Variants in ACER2 observed in about 807,000 individuals in gnomAD.
ACER2 encodes the protein alkaline ceramidase 2, also known as alkCDase 2.
Under a neutral mutation model 34.7 loss-of-function variants are expected in ACER2, and 26 were observed. That is an observed-to-expected ratio of 0.75 (90% CI 0.55 to 1.04). The LOEUF (loss-of-function observed/expected upper bound fraction) is 1.04. ACER2 is among the 50% of genes least tolerant of loss of function. The probability of loss-of-function intolerance (pLI) is 0.00; values close to 1 mark genes in which losing one functional copy is unlikely to be tolerated. For synonymous variants in ACER2, 138 were observed against 132.1 expected (o/e 1.04, Z -0.31); for missense variants, 352 against 340.8 (o/e 1.03, Z -0.26).
intron 1 of ACER2, among the ~76,000 whole-genome samples, chr9:19,417,296 G>A (rs1830267968): frequency 6.6e-6 from 1 of 152,164 alleles, no homozygotes; most frequent in Non-Finnish European, 1.5e-5. Context: ...TGGCCATACT[G>A]CCCAAGGTAA....
chr9:19,437,065 C>G (rs1179791683), intron 4 of ACER2, among the ~76,000 whole-genome samples: 1 of 152,218 alleles, frequency 6.6e-6, no homozygotes, highest in Non-Finnish European at 1.5e-5. Flanking sequence ...GTGTATTCAA[C>G]CTTTTCTGTT....
chr9:19,446,041 T>G, intron 4 of ACER2: 1 of 682,600 alleles, frequency 1.5e-6, no homozygotes, highest in East Asian at 2.7e-5. Flanking sequence ...AAAAATGTAG[T>G]TGGGTGTATG....
rs755548497 is a variant in ACER2 at position 19,409,097 on chromosome 9, C to A, written c.13C>A (p.His5Asn). The change falls in exon 1 of 6, where the codon CAC becomes AAC. Residue 5 changes from histidine (H) to asparagine (N), a missense_variant. Transcript: ENST00000340967. Reference protein sequence around the residue: MGAPHWWDQLQAGSS... With the variant: MGAPNWWDQLQAGSS... ...CCCCGGAGTGGCCATGGGCGCCCCG[C>A]ACTGGTGGGACCAGCTGCAGGCTGG... 20 of 1,594,838 alleles carry A rather than the reference C, an allele frequency of 1.3e-5. No individual in the cohort carries two copies. Among genetic ancestry groups the A allele is most frequent in the Non-Finnish European group, 1.1e-5 (13 of 1,171,526 alleles).
At chr9:19,409,782 C>T (rs556300242) in intron 1 of ACER2, 1 of 984,958 alleles carries the variant, frequency 1.0e-6, no homozygotes, top group Non-Finnish European at 1.2e-6. Context: ...AGTGTCCTGT[C>T]TTGTGCAAGC....
chr9:19,419,634 G>A (rs1830341454), intron 1 of ACER2, among the ~76,000 whole-genome samples: 1 of 151,594 alleles, frequency 6.6e-6, no homozygotes, highest in Non-Finnish European at 1.5e-5. Flanking sequence ...GGAGTGGCAG[G>A]CGCCTGTAAT....
At chr9:19,428,292 C>G (rs1165615508) in intron 3 of ACER2, among the ~76,000 whole-genome samples, 1 of 151,934 alleles carries the variant, frequency 6.6e-6, no homozygotes, top group Admixed American at 6.6e-5. Context: ...CTCAGCCTCC[C>G]GAGTCGCTGG....
chr9:19,421,873 A>G (rs1001790300), intron 1 of ACER2, among the ~76,000 whole-genome samples: 1 of 152,192 alleles, frequency 6.6e-6, no homozygotes, highest in East Asian at 1.9e-4. Flanking sequence ...TTCCAATATG[A>G]CAGTCACTGG....
At chr9:19,425,518 A>C (rs554601534) in intron 3 of ACER2, among the ~76,000 whole-genome samples, 1 of 152,374 alleles carries the variant, frequency 6.6e-6, no homozygotes, top group South Asian at 2.1e-4. Flanking sequence ...CACAGTAAAC[A>C]AAACAGCAGT....
At chr9:19,449,414 A>T (rs775564851) in intron 5 of ACER2, among the ~76,000 whole-genome samples, 12 of 152,208 alleles carry the variant, frequency 7.9e-5, no homozygotes, top group Non-Finnish European at 1.5e-4. Flanking sequence ...CATATGGTAC[A>T]AATATTCCCT....
chr9:19,416,009 A>T (rs1333241327), intron 1 of ACER2, among the ~76,000 whole-genome samples: 1 of 152,112 alleles, frequency 6.6e-6, no homozygotes, highest in African/African-American at 2.4e-5. Context: ...TGTGAAGAAA[A>T]TGAGGACAGT....
chr9:19,428,204 A>C (rs201780654), intron 3 of ACER2, among the ~76,000 whole-genome samples: 1 of 147,284 alleles, frequency 6.8e-6, no homozygotes, highest in African/African-American at 2.5e-5. Flanking sequence ...TTTCACTCTT[A>C]TTGCCCGGGC....
intron 3 of ACER2, among the ~76,000 whole-genome samples, chr9:19,425,219 C>G (rs879013579): frequency 6.6e-6 from 1 of 152,192 alleles, no homozygotes; most frequent in Non-Finnish European, 1.5e-5. Flanking sequence ...CAGTTTTATA[C>G]ATATGAAGTA....
intron 3 of ACER2, 22 bp from the exon 4 acceptor site, chr9:19,434,925 G>T (rs762756280): frequency 6.2e-7 from 1 of 1,612,624 alleles, no homozygotes; most frequent in South Asian, 1.1e-5. Context: ...TAATGGATTT[G>T]GTTTTGCTTT....
In ACER2 at chr9:19,445,136, C is replaced by T. The variant is rs189757065; in HGVS notation, c.504-1145C>T. Among the ~76,000 whole-genome samples the T allele has an allele frequency of 2.0e-4, 30 of 152,344 alleles. No individual in the cohort carries two copies. The East Asian group carries it at 5.0e-3, about 25-fold the overall frequency. ...GAGTGGTCCCCTCCGGGAAGAAGGA[C>T]GCTCAGCCACCAGCTGCCCCCAGGT... On this transcript the variant is annotated intron_variant, in intron 4 of 5. Transcript: ENST00000340967.
intron 1 of ACER2, among the ~76,000 whole-genome samples, chr9:19,413,511 A>G (rs1013647658): frequency 3.9e-5 from 6 of 152,042 alleles, no homozygotes; most frequent in Non-Finnish European, 8.8e-5. Context: ...GAGGCAGGAG[A>G]ATTGCTTGAA....
At chr9:19,411,376 C>G (rs1830080879) in intron 1 of ACER2, among the ~76,000 whole-genome samples, 1 of 152,026 alleles carries the variant, frequency 6.6e-6, no homozygotes, top group Admixed American at 6.6e-5. Context: ...CGTTTCTTCC[C>G]CTCTGTTGCT....
chr9:19,414,932 G>A (rs1359368038), intron 1 of ACER2, among the ~76,000 whole-genome samples: 1 of 151,406 alleles, frequency 6.6e-6, no homozygotes, highest in African/African-American at 2.4e-5. Context: ...CATCTCAGTA[G>A]AGATGGATCC....
chr9:19,434,868 T>C (rs1830908787), intron 3 of ACER2, 79 bp from the exon 4 acceptor site: 1 of 1,566,424 alleles, frequency 6.4e-7, no homozygotes, highest in African/African-American at 1.4e-5. Context: ...TGGCAATGCC[T>C]GTACCTTGCT....
chr9:19,451,792 T>C lies in ACER2; in HGVS notation c.*1156T>C, dbSNP rs770252614. On this transcript the variant is annotated 3_prime_UTR_variant, in exon 6 of 6. Transcript: ENST00000340967. Reference sequence around the variant, plus strand: ...GCAAACATGAAGTTTTTGGAAACGTTTTCTCATTTGAAGCCTCCAGTATGC... The same window carrying C: ...GCAAACATGAAGTTTTTGGAAACGTCTTCTCATTTGAAGCCTCCAGTATGC... 2.0e-5 allele frequency: 3 copies of C among 152,184 alleles called. No homozygotes were observed. The highest frequency in any genetic ancestry group is 6.5e-5 in the Admixed American group (1 of 15,274). 9.4% of individuals were successfully genotyped at this position (152,184 alleles called of 1,614,324 possible). A position where few individuals can be genotyped will look rare whatever the true frequency, so the allele number is the denominator to read the frequency against.
Sources: allele counts gnomAD v4.1 joint callset (sites outside exome capture counted in the v4.1 genomes callset), GRCh38; gene constraint gnomAD v4.1.1; transcripts MANE v1.5; gene names NCBI Gene and HGNC (gene_info 2026-07-23, HGNC 2026-07-21).